Variants in AGAP2 observed in about 807,000 individuals in gnomAD.
AGAP2 encodes the protein arf-GAP with GTPase, ANK repeat and PH domain-containing protein 2.
A neutral mutation model predicts 110.9 loss-of-function variants in AGAP2; 32 were observed. That is an observed-to-expected ratio of 0.29 (90% CI 0.22 to 0.39). AGAP2 has a LOEUF of 0.39. Ranked by LOEUF, AGAP2 falls within the 10% of genes least tolerant of loss-of-function variation. The pLI is 1.00. For missense variants in AGAP2, 1,285 were observed against 1,638.5 expected (o/e 0.78, Z 3.72); for synonymous variants, 702 against 713.0 (o/e 0.98, Z 0.25).
chr12:57,724,958 T>G (rs1954736584), downstream of AGAP2: 1 of 152,338 alleles, frequency 6.6e-6, no homozygotes, highest in African/African-American at 2.4e-5. Flanking sequence ...GGCATCATCT[T>G]AAGAGTCAGT....
intron 11 of AGAP2, 69 bp from the exon 12 acceptor site, chr12:57,730,683 T>A: frequency 6.2e-7 from 1 of 1,605,748 alleles, no homozygotes; most frequent in Non-Finnish European, 8.5e-7. Context: ...GGTCCCTCTT[T>A]ATCACCCAGC....
Position 57,737,448 on chromosome 12 carries a change from A to G in AGAP2, c.799T>C (p.Ser267Pro). The G allele has an allele frequency of 6.2e-7, 1 of 1,613,354 alleles. No homozygotes were observed. Among genetic ancestry groups the G allele is most frequent in the Non-Finnish European group, 8.5e-7 (1 of 1,179,728 alleles). Residue 267 changes from serine to proline, a missense_variant, in exon 1 of 19, where the codon TCC becomes CCC. Transcript: ENST00000547588. This position sits in a 1 kb window ranked among gnomAD's most constrained non-coding sequence, Gnocchi z 5.9. ...GAGAGARGKL[S>P]PRKGKSKTLD... ...GTCTTACTCTTGCCTTTCCGAGGGG[A>G]CAACTTCCCTCGGGCTCCAGCCCCA... is the stretch of plus-strand genomic sequence containing the variant.
At chr12:57,727,888 C>A in intron 15 of AGAP2, 49 bp downstream of exon 15, 1 of 1,610,036 alleles carries the variant, frequency 6.2e-7, no homozygotes, top group Non-Finnish European at 8.5e-7. Context: ...GCCGTCAGCA[C>A]CAGGGTCAGT....
rs759135563 is a variant in AGAP2, at chr12:57,737,509, C to T, written c.738G>A (p.Gly246=). 11 of 1,591,254 alleles carry T rather than the reference C, an allele frequency of 6.9e-6. No homozygotes were observed. The highest frequency in any genetic ancestry group is 1.7e-4 in the Middle Eastern group (1 of 6,058). The change falls in exon 1 of 19, where the codon GGG becomes GGA. Residue 246 remains glycine (G), a synonymous_variant. Transcript: ENST00000547588. The surrounding 1 kb of genome is among the most constrained non-coding windows in gnomAD (Gnocchi z 5.9). ...CACCAGAGGTCGAAGCTGTAGAGCC[C>T]CCTCCCCCGGCGGCGGCGGCGGTGG... The part of the protein sequence containing the change: ...AAATAAAAGG[G]GSTASTSGGV...
At position 57,738,104 on chromosome 12, in the gene AGAP2, T is replaced by C. The variant is rs749610403; in HGVS notation, c.143A>G (p.Glu48Gly). The change falls in exon 1 of 19, where the codon GAG becomes GGG. Residue 48 changes from glutamate (E) to glycine (G), a missense_variant. Physicochemically the swap from Glu to Gly is moderately conservative, Grantham distance 98. Around this residue, in one of 7 missense-constraint regions of AGAP2, gnomAD observed 844 missense variants for 941.2 expected, o/e 0.90. Coordinates refer to ENST00000547588, the MANE Select transcript of AGAP2 (RefSeq NM_001122772.3). This position sits in a 1 kb window ranked among gnomAD's most constrained non-coding sequence, Gnocchi z 6.7. ...AAGAAGARGSETGDPGSPRGA... is the reference protein window; with the variant it reads ...AAGAAGARGSGTGDPGSPRGA... Reference sequence around the variant, plus strand: ...TCGGGGGCTGCCAGGATCCCCAGTCTCGGAGCCTCTGGCACCGGCGGCGCC... The same window carrying C: ...TCGGGGGCTGCCAGGATCCCCAGTCCCGGAGCCTCTGGCACCGGCGGCGCC... 8 of 1,522,296 alleles carry C rather than the reference T, an allele frequency of 5.3e-6. No individual in the cohort carries two copies. The South Asian group carries it at 7.2e-5, about 14-fold the overall frequency. The allele number at this position is 1,522,296 out of a possible 1,614,324, so 94.3% of individuals were successfully genotyped here. A position where few individuals can be genotyped will look rare whatever the true frequency, so the allele number is the denominator to read the frequency against.
chr12:57,738,015 T>A lies in AGAP2; in HGVS notation c.232A>T (p.Ile78Phe). The change falls in exon 1 of 19, where the codon ATC becomes TTC. Residue 78 changes from isoleucine (I) to phenylalanine (F), a missense_variant. Physicochemically the swap from Ile to Phe is conservative, Grantham distance 21. This residue lies in a region of AGAP2 where 844 missense variants were observed against 941.2 expected (regional missense o/e 0.90). Coordinates refer to ENST00000547588, the MANE Select transcript of AGAP2 (RefSeq NM_001122772.3). The surrounding 1 kb of genome is among the most constrained non-coding windows in gnomAD (Gnocchi z 6.7). ...CCGGTGCCCGCGCTGCTCGTGCTGA[T>A]CCACAGCGCATCCTGCCGGTGGAAG... ...RLFHRQDALW[I>F]STSSAGTGGA... 6.6e-7 allele frequency: 1 copy of A among 1,511,662 alleles called. No individual in the cohort carries two copies. The highest frequency in any genetic ancestry group is 8.8e-7 in the Non-Finnish European group (1 of 1,135,986). 93.6% of individuals were successfully genotyped at this position (1,511,662 alleles called of 1,614,324 possible). A position where few individuals can be genotyped will look rare whatever the true frequency, so the allele number is the denominator to read the frequency against.
At chr12:57,730,265 G>A in intron 12 of AGAP2, 1 of 608,152 alleles carries the variant, frequency 1.6e-6, no homozygotes, top group Non-Finnish European at 2.8e-6. Flanking sequence ...GAGAGGTCAA[G>A]TAACTTGCCC....
Position 57,737,069 on chromosome 12 carries a change from C to T in AGAP2, c.1168+10G>A. Reference sequence around the variant, plus strand: ...TTCCCTCCCTGTTCTCAAGCCCTGACTCAACTCACTAGGGGAAGCGCGGAG... The same window carrying T: ...TTCCCTCCCTGTTCTCAAGCCCTGATTCAACTCACTAGGGGAAGCGCGGAG... On this transcript the variant is annotated intron_variant, in intron 1 of 18. Coordinates refer to ENST00000547588, the MANE Select transcript of AGAP2 (RefSeq NM_001122772.3). The surrounding 1 kb of genome is among the most constrained non-coding windows in gnomAD (Gnocchi z 5.9). 6.6e-7 allele frequency: 1 copy of T among 1,508,170 alleles called. No homozygotes were observed. The highest frequency in any genetic ancestry group is 8.9e-7 in the Non-Finnish European group (1 of 1,128,496). The allele number at this position is 1,508,170 out of a possible 1,614,324, so 93.4% of individuals were successfully genotyped here.
At position 57,727,045 on chromosome 12, in the gene AGAP2, G is replaced by T; in HGVS notation, c.3265C>A (p.Pro1089Thr). 6.2e-7 allele frequency: 1 copy of T among 1,607,650 alleles called. No homozygotes were observed. ...AGGTGGAGTGGGGAGCGCAGCTGTG[G>T]GTCCTCTACGCTGGTGTCGAGCGGC... ...HGPLDTSVED[P>T]QLRSPLHLAA... Residue 1089 changes from proline to threonine, a missense_variant, in exon 18 of 19, where the codon CCA becomes ACA. Pro to Thr is a conservative substitution (Grantham distance 38, BLOSUM62 -1). Coordinates refer to ENST00000547588, the MANE Select transcript of AGAP2 (RefSeq NM_001122772.3).
intron 10 of AGAP2, 136 bp from the exon 11 acceptor site, chr12:57,731,089 G>A: frequency 6.1e-6 from 6 of 978,612 alleles, no homozygotes; most frequent in Non-Finnish European, 8.8e-6. Context: ...AACATCTAGG[G>A]GATGGGCCCA....
Position 57,729,758 on chromosome 12 carries a change from G to A in AGAP2, c.2438C>T (p.Pro813Leu). ...ACTCAGGGGGCTCAGGTCTCCAGAT[G>A]GGGTACAGTCTTAGGGAGGAAGACA... ...LARALSTDCT[P>L]SGDLSPLSRE... Residue 813 changes from proline to leucine, a missense_variant, in exon 13 of 19, where the codon CCA becomes CTA. This residue lies in a region of AGAP2 where 135 missense variants were observed against 182.0 expected (regional missense o/e 0.74). Coordinates refer to ENST00000547588, the MANE Select transcript of AGAP2 (RefSeq NM_001122772.3). 1.9e-6 allele frequency: 3 copies of A among 1,612,734 alleles called. No homozygotes were observed. Among genetic ancestry groups the A allele is most frequent in the Non-Finnish European group, 1.7e-6 (2 of 1,179,214 alleles).
chr12:57,726,383 G>A lies in AGAP2; in HGVS notation c.*169C>T. 1 of 553,830 alleles carries A rather than the reference G, an allele frequency of 1.8e-6. No homozygotes were observed. Among genetic ancestry groups the A allele is most frequent in the Non-Finnish European group, 2.5e-6 (1 of 396,770 alleles). 34.3% of individuals were successfully genotyped at this position (553,830 alleles called of 1,614,324 possible). A position where few individuals can be genotyped will look rare whatever the true frequency, so the allele number is the denominator to read the frequency against. On this transcript the variant is annotated 3_prime_UTR_variant, in exon 19 of 19. Coordinates refer to ENST00000547588, the MANE Select transcript of AGAP2 (RefSeq NM_001122772.3). This position sits in a 1 kb window ranked among gnomAD's most constrained non-coding sequence, Gnocchi z 5.7. ...TGCCTCGTTGGGGAGAGGGAGGTGA[G>A]TTTGTGTCTTCTGGAAGGCGTGGGG...
rs35567553 is a variant in AGAP2 at position 57,734,595 on chromosome 12, C to G, written c.1312G>C (p.Glu438Gln). The G allele has an allele frequency of 4.6e-3, 7,363 of 1,614,146 alleles. 22 individuals are homozygous for G. The highest frequency in any genetic ancestry group is 5.6e-3 in the Non-Finnish European group (6,587 of 1,179,982). ...TGSYQVLEKTESEQYKKEMLV... is the reference protein window; with the variant it reads ...TGSYQVLEKTQSEQYKKEMLV... ...ACTATGGCTCTTCAGAACTCACTCTCTGTCTTCTCCAGCACCTGGTATGAG... is the reference window on the plus strand; with the variant it reads ...ACTATGGCTCTTCAGAACTCACTCTGTGTCTTCTCCAGCACCTGGTATGAG... The change falls in exon 3 of 19, where the codon GAG (glutamate) becomes CAG (glutamine). Residue 438 changes from glutamate to glutamine, a missense_variant. Physicochemically the swap from Glu to Gln is conservative, Grantham distance 29. This residue lies in a region of AGAP2 where 844 missense variants were observed against 941.2 expected (regional missense o/e 0.90). Transcript: ENST00000547588.
intron 14 of AGAP2, 51 bp from the exon 15 acceptor site, chr12:57,728,136 CT>C (rs752468184): frequency 1.3e-6 from 2 of 1,555,964 alleles, no homozygotes; most frequent in Non-Finnish European, 1.7e-6. Context: ...CAAGCAGGGG[CT>C]GCCTTTCCCA....
Position 57,732,468 on chromosome 12 carries a change from C to T in AGAP2, c.1729G>A (p.Ala577Thr). The T allele has an allele frequency of 6.3e-7, 1 of 1,596,774 alleles. No individual in the cohort carries two copies. Among genetic ancestry groups the T allele is most frequent in the Non-Finnish European group, 8.5e-7 (1 of 1,171,404 alleles). ...VTLRKQQQLL[A>T]ACKSLPSSPS... is the part of the protein sequence containing the mutation. ...GAGCTGGGCAGGGACTTGCAGGCAG[C>T]CAGAAGCTGTTGCTGCTTGCGCAAG... The change falls in exon 7 of 19, where the codon GCT (alanine) becomes ACT (threonine). Residue 577 changes from alanine to threonine, a missense_variant. Ala to Thr is a moderately conservative substitution (Grantham distance 58). Transcript: ENST00000547588.
Position 57,738,424 on chromosome 12 carries a change from A to C in AGAP2, c.-178T>G. On this transcript the variant is annotated 5_prime_UTR_variant, in exon 1 of 19. An upstream open reading frame in the 5' UTR loses its in-frame stop. Coordinates refer to ENST00000547588, the MANE Select transcript of AGAP2 (RefSeq NM_001122772.3). This position sits in a 1 kb window ranked among gnomAD's most constrained non-coding sequence, Gnocchi z 6.7. The stretch of plus-strand genomic sequence containing the variant: ...CCTCCGCTTGCGCCCCCCTCCCATC[A>C]CATGGGGCGCCCCCTCCCCATGCTC... The C allele has an allele frequency of 1.8e-6, 1 of 553,174 alleles. No individual in the cohort carries two copies. Among genetic ancestry groups the C allele is most frequent in the Non-Finnish European group, 2.3e-6 (1 of 435,536 alleles). 34.3% of individuals were successfully genotyped at this position (553,174 alleles called of 1,614,324 possible). A position where few individuals can be genotyped will look rare whatever the true frequency, so the allele number is the denominator to read the frequency against.
At chr12:57,733,293 A>G (rs527773348) in intron 5 of AGAP2, among the ~76,000 whole-genome samples, 2 of 152,060 alleles carry the variant, frequency 1.3e-5, no homozygotes, top group East Asian at 1.9e-4. Context: ...GCGAGCGACA[A>G]TCACCCTGCC....
chr12:57,734,638 G>A lies in AGAP2; in HGVS notation c.1269C>T (p.Ile423=). 6.2e-7 allele frequency: 1 copy of A among 1,614,186 alleles called. No individual in the cohort carries two copies. Among genetic ancestry groups the A allele is most frequent in the Non-Finnish European group, 8.5e-7 (1 of 1,180,046 alleles). ...GDARSGKSSL[I]HRFLTGSYQV... ...GGTATGAGCCAGTCAGGAATCGGTG[G>A]ATGAGCGATGACTTCCCACTCCTGG... Residue 423 remains isoleucine (I), a synonymous_variant, in exon 3 of 19, where the codon ATC becomes ATT. Coordinates refer to ENST00000547588, the MANE Select transcript of AGAP2 (RefSeq NM_001122772.3).
intron 1 of AGAP2, among the ~76,000 whole-genome samples, chr12:57,736,494 C>G (rs899010090): frequency 1.3e-5 from 2 of 151,946 alleles, no homozygotes; most frequent in Non-Finnish European, 2.9e-5. Flanking sequence ...GCTTCCTATC[C>G]GCCCCCTCTC....
Sources: gnomAD v4.1 joint callset for allele counts (sites outside exome capture counted in the v4.1 genomes callset) on GRCh38, gnomAD v4.1.1 for gene constraint, gnomAD v4.1.1 regional missense constraint, Gnocchi (gnomAD v3.1) non-coding constraint, MANE v1.5 for transcripts, NCBI Gene and HGNC (gene_info 2026-07-23, HGNC 2026-07-21) for gene names.